The following QRICH1 variants were observed in gnomAD, a reference collection of about 807,000 sequenced individuals.
The protein encoded by QRICH1 is transcriptional regulator QRICH1.
Under a neutral mutation model 87.1 loss-of-function variants are expected in QRICH1, and 16 were observed. The ratio of observed to expected loss-of-function variants is 0.18; its 90% CI spans 0.12 to 0.28. QRICH1 has a LOEUF of 0.28. Ranked by LOEUF, QRICH1 falls within the 10% of genes least tolerant of loss-of-function variation. The probability of loss-of-function intolerance (pLI) is 1.00; values close to 1 mark genes in which losing one functional copy is unlikely to be tolerated. For synonymous variants in QRICH1, 367 were observed against 368.4 expected (o/e 1.00, Z 0.05); for missense variants, 647 against 951.7 (o/e 0.68, Z 4.21).
At position 49,046,489 on chromosome 3, in the gene QRICH1, C is replaced by T. The variant is rs750035136; in HGVS notation, c.1607G>A (p.Arg536Gln). The T allele has an allele frequency of 7.4e-6, 12 of 1,614,008 alleles. No individual in the cohort carries two copies. The highest frequency in any genetic ancestry group is 2.2e-5 in the East Asian group (1 of 44,892). ...YGLCLMTREA[R>Q]NGEGEPYDPD... is the part of the protein sequence containing the mutation. Reference sequence around the variant, plus strand: ...GTCATAGGGTTCACCTTCTCCATTTCGAGCTTCCCGTGTCATTAGACAGAG... The same window carrying T: ...GTCATAGGGTTCACCTTCTCCATTTTGAGCTTCCCGTGTCATTAGACAGAG... Residue 536 changes from arginine to glutamine, a missense_variant, in exon 5 of 10, where the codon CGA becomes CAA. Arg to Gln is a conservative substitution (Grantham distance 43, BLOSUM62 1). Coordinates refer to ENST00000395443, the MANE Select transcript of QRICH1 (RefSeq NM_198880.3).
At chr3:49,089,151 A>G (rs2107050638) in intron 1 of QRICH1, among the ~76,000 whole-genome samples, 1 of 150,628 alleles carries the variant, frequency 6.6e-6, no homozygotes, top group East Asian at 2.0e-4. Flanking sequence ...ACCTCCGCCT[A>G]CAGGTTCAAG....
intron 6 of QRICH1, among the ~76,000 whole-genome samples, chr3:49,035,203 TG>T (rs1303183256): frequency 1.4e-4 from 21 of 152,152 alleles, no homozygotes; most frequent in Non-Finnish European, 2.9e-4. Flanking sequence ...CCCTAGTAGC[TG>T]GGATCACAGG....
rs576569260 is a variant in QRICH1 at position 49,055,673 on chromosome 3, TTTTG to T, written c.1338+1185_1338+1188del. 4.1e-3 allele frequency among the ~76,000 whole-genome samples: 631 copies of T among 152,192 alleles called. 3 individuals carry two copies. The highest frequency in any genetic ancestry group is 0.017 in the South Asian group (83 of 4,816). On this transcript the variant is annotated intron_variant, in intron 3 of 9. Coordinates refer to ENST00000395443, the MANE Select transcript of QRICH1 (RefSeq NM_198880.3). ...CCACTGCACCCAGCACTAATAGTTT[TTTTG>T]TTTGTTTGTTTTGAGACAAAGTCTT...
chr3:49,073,137 C>T (rs1005968953), intron 2 of QRICH1, among the ~76,000 whole-genome samples: 3 of 152,150 alleles, frequency 2.0e-5, no homozygotes, highest in Non-Finnish European at 4.4e-5. Flanking sequence ...CAGTCCCTTT[C>T]CTATCCTCTT....
chr3:49,047,303 C>T (rs1257555234), intron 3 of QRICH1, 57 bp from the exon 4 acceptor site: 2 of 1,484,118 alleles, frequency 1.3e-6, no homozygotes, highest in Non-Finnish European at 1.8e-6. Flanking sequence ...GATCCTTCTG[C>T]AAAATTGCCA....
Position 49,057,856 on chromosome 3 carries a change from A to T in QRICH1, c.344T>A (p.Val115Asp). 6.2e-7 allele frequency: 1 copy of T among 1,614,076 alleles called. No individual in the cohort carries two copies. The highest frequency in any genetic ancestry group is 8.5e-7 in the Non-Finnish European group (1 of 1,180,006). The change falls in exon 3 of 10, where the codon GTC becomes GAC. Residue 115 changes from valine to aspartate, a missense_variant. Transcript: ENST00000395443. The surrounding 1 kb of genome is among the most constrained non-coding windows in gnomAD (Gnocchi z 5.4). Reference sequence around the variant, plus strand: ...GAGTTGTGGGGAGAGCTGAGCCGAGACCTGTTGCGGAGACTGCTGTACCTG... The same window carrying T: ...GAGTTGTGGGGAGAGCTGAGCCGAGTCCTGTTGCGGAGACTGCTGTACCTG... ...QVQVQQSPQQ[V>D]SAQLSPQLTV...
rs1163554141 is a variant in QRICH1 at position 49,073,522 on chromosome 3, ACAGTGGGACTC to A, written c.309+3176_309+3186del. On this transcript the variant is annotated intron_variant, in intron 2 of 9. Coordinates refer to ENST00000395443, the MANE Select transcript of QRICH1 (RefSeq NM_198880.3). ...GCCACTGCTCTCCAGCCTGGGTGAC[ACAGTGGGACTC>A]CATCTCGAAAAAAAAAAAAAGGAAA... Among the ~76,000 whole-genome samples the A allele has an allele frequency of 6.6e-5, 10 of 150,714 alleles. No individual in the cohort carries two copies. In the South Asian group the frequency reaches 2.1e-3, roughly 32 times the overall value.
intron 3 of QRICH1, among the ~76,000 whole-genome samples, chr3:49,056,251 GA>G (rs1232363248): frequency 6.6e-6 from 1 of 152,164 alleles, no homozygotes; most frequent in East Asian, 1.9e-4. Context: ...TGGGATTACA[GA>G]AGTGCACCAC....
rs753380857 is a variant in QRICH1 at position 49,056,880 on chromosome 3, TTGCTGC to T, written c.1314_1319del (p.Gln439_Gln440del). The T allele has an allele frequency of 6.2e-6, 10 of 1,613,678 alleles. No homozygotes were observed. In the Middle Eastern group the frequency reaches 6.6e-4, roughly 106 times the overall value. ...CACTTACTGAACAAGTAACTTGGAG[TTGCTGC>T]TGCTGCTGCTGTGGTGGTGGTGTCT... On this transcript the variant is annotated inframe_deletion, in exon 3 of 10. Coordinates refer to ENST00000395443, the MANE Select transcript of QRICH1 (RefSeq NM_198880.3).
In QRICH1 at chr3:49,029,831, C is replaced by T. The variant is rs548680784; in HGVS notation, c.*621G>A. 1.7e-5 allele frequency: 3 copies of T among 173,494 alleles called. No homozygotes were observed. The highest frequency in any genetic ancestry group is 1.1e-4 in the South Asian group (1 of 8,780). 10.7% of individuals were successfully genotyped at this position (173,494 alleles called of 1,614,324 possible). A position where few individuals can be genotyped will look rare whatever the true frequency, so the allele number is the denominator to read the frequency against. On this transcript the variant is annotated 3_prime_UTR_variant, in exon 10 of 10. Coordinates refer to ENST00000395443, the MANE Select transcript of QRICH1 (RefSeq NM_198880.3). ...CAAGAATTCCATCAGGCACAGGAGCCTCAGGTTTTAAGGCCTCAATGTTAG... is the reference window on the plus strand; with the variant it reads ...CAAGAATTCCATCAGGCACAGGAGCTTCAGGTTTTAAGGCCTCAATGTTAG...
chr3:49,088,966 T>C (rs2042221862), intron 1 of QRICH1, among the ~76,000 whole-genome samples: 1 of 152,084 alleles, frequency 6.6e-6, no homozygotes, highest in African/African-American at 2.4e-5. Context: ...GCAGGGTTTG[T>C]GATAGAAGTT....
chr3:49,056,317 C>T (rs368371311), intron 3 of QRICH1, among the ~76,000 whole-genome samples: 11 of 152,138 alleles, frequency 7.2e-5, no homozygotes, highest in East Asian at 3.8e-4. Context: ...ACCACATAGA[C>T]GGCATATTCA....
At chr3:49,065,719 C>A (rs1283299749) in intron 2 of QRICH1, among the ~76,000 whole-genome samples, 1 of 150,702 alleles carries the variant, frequency 6.6e-6, no homozygotes, top group Non-Finnish European at 1.5e-5. Context: ...CTCCCTCTGT[C>A]GTCCAGGCTG....
chr3:49,048,762 TG>T (rs2093353119), intron 3 of QRICH1, among the ~76,000 whole-genome samples: 2 of 104,672 alleles, frequency 1.9e-5, no homozygotes, highest in Admixed American at 1.4e-4. Context: ...TACTCCAGCC[TG>T]GGTAACAGAG....
chr3:49,032,120 G>T (rs1445048957), intron 9 of QRICH1, 63 bp downstream of exon 9: 1 of 1,289,764 alleles, frequency 7.8e-7, no homozygotes. Flanking sequence ...TCACACAAGT[G>T]AGCATGCACA....
chr3:49,070,758 A>G (rs1450191494), intron 2 of QRICH1, among the ~76,000 whole-genome samples: 1 of 152,176 alleles, frequency 6.6e-6, no homozygotes, highest in Non-Finnish European at 1.5e-5. Flanking sequence ...TTATTTTTTA[A>G]AAGTATCTTT....
chr3:49,053,227 G>A (rs377268175), intron 3 of QRICH1, among the ~76,000 whole-genome samples: 7 of 152,010 alleles, frequency 4.6e-5, no homozygotes, highest in Non-Finnish European at 7.4e-5. Context: ...GGTGGCTCAC[G>A]CCTGTAATCC....
intron 6 of QRICH1, among the ~76,000 whole-genome samples, chr3:49,036,278 T>G (rs939632024): frequency 1.3e-5 from 2 of 152,114 alleles, no homozygotes; most frequent in Non-Finnish European, 2.9e-5. Context: ...CCACTGAAGA[T>G]CCTAGAAACA....
intron 6 of QRICH1, among the ~76,000 whole-genome samples, chr3:49,038,125 G>A (rs1161339818): frequency 2.6e-5 from 4 of 151,452 alleles, no homozygotes; most frequent in African/African-American, 7.3e-5. Context: ...GCAGTGGCGC[G>A]ATCTCGGCTC....
Sources: gnomAD v4.1 joint callset for allele counts (sites outside exome capture counted in the v4.1 genomes callset) on GRCh38, gnomAD v4.1.1 for gene constraint, Gnocchi (gnomAD v3.1) non-coding constraint, MANE v1.5 for transcripts, NCBI Gene and HGNC (gene_info 2026-07-23, HGNC 2026-07-21) for gene names.